FLT4: variants seen among roughly 807,000 people sequenced by gnomAD.
FLT4 encodes the protein vascular endothelial growth factor receptor 3.
In FLT4, 30 loss-of-function variants were observed where a neutral mutation model predicts 163.2. That is an observed-to-expected ratio of 0.18 (90% CI 0.14 to 0.25). The LOEUF (loss-of-function observed/expected upper bound fraction) is 0.25, where lower values mean the gene tolerates loss of function less well. Ranked by LOEUF, FLT4 falls within the 10% of genes least tolerant of loss-of-function variation. The pLI is 1.00. For missense variants in FLT4, 1,510 were observed against 1,863.8 expected (o/e 0.81, Z 3.50); for synonymous variants, 884 against 789.5 (o/e 1.12, Z -2.01).
rs544746348 is a variant in FLT4, at chr5:180,623,572, C to T, written c.1548+363G>A. Among the ~76,000 whole-genome samples, 1 of 152,286 alleles carries T rather than the reference C, an allele frequency of 6.6e-6. No homozygotes were observed. Among genetic ancestry groups the T allele is most frequent in the South Asian group, 2.1e-4 (1 of 4,814 alleles). ...TCAGTACCCCCTTCTCGGCGTTGCCCCCAGGCTGCGCCAGCGGCTCAGCAG... is the reference window on the plus strand; with the variant it reads ...TCAGTACCCCCTTCTCGGCGTTGCCTCCAGGCTGCGCCAGCGGCTCAGCAG... On this transcript the variant is annotated intron_variant, in intron 11 of 29. Coordinates refer to ENST00000261937, the MANE Select transcript of FLT4 (RefSeq NM_182925.5). This position sits in a 1 kb window ranked among gnomAD's most constrained non-coding sequence, Gnocchi z 5.8.
In FLT4 at chr5:180,615,973, C is replaced by G. The variant is rs1409299518; in HGVS notation, c.3219+394G>C. ...GAGCACTGGGCCCCGCCGGTCACCT[C>G]CCTTCTCCACTTCCTTTCGGAGCAC... On this transcript the variant is annotated intron_variant, in intron 23 of 29. Transcript: ENST00000261937. 1.1e-3 allele frequency among the ~76,000 whole-genome samples: 3 copies of G among 2,772 alleles called. 1 individual carries two copies. Among genetic ancestry groups the G allele is most frequent in the Admixed American group, 2.5e-3 (1 of 402 alleles). The allele number at this position is 2,772 out of a possible 152,430, so 1.8% of individuals were successfully genotyped here.
At position 180,620,657 on chromosome 5, in the gene FLT4, A is replaced by G; in HGVS notation, c.2358T>C (p.Ala786=). ...IVILVGTGVI[A]VFFWVLLLLI... ...GGAGGAGGAGGACCCAGAAGAAGACAGCGATGACGCCGGTACCGACAAGGA... is the reference window on the plus strand; with the variant it reads ...GGAGGAGGAGGACCCAGAAGAAGACGGCGATGACGCCGGTACCGACAAGGA... Residue 786 remains alanine (A), a synonymous_variant, in exon 16 of 30, where the codon GCT becomes GCC. Transcript: ENST00000261937. The surrounding 1 kb of genome is among the most constrained non-coding windows in gnomAD (Gnocchi z 4.4). The G allele has an allele frequency of 6.2e-7, 1 of 1,613,514 alleles. No homozygotes were observed. The highest frequency in any genetic ancestry group is 1.6e-4 in the Middle Eastern group (1 of 6,062).
chr5:180,608,976 G>T lies in FLT4; in HGVS notation c.3885C>A (p.Ser1295Arg). 1.2e-6 allele frequency: 2 copies of T among 1,613,796 alleles called. No homozygotes were observed. The highest frequency in any genetic ancestry group is 1.7e-6 in the Non-Finnish European group (2 of 1,179,688). ...GCTCACGAAGCCCTTACCTGAAGCC[G>T]CTTTCTTGTCTATGCCTGCTCTCTA... is the stretch of plus-strand genomic sequence containing the variant. The part of the protein sequence containing the change: ...EQIESRHRQE[S>R]GFSCKGPGQN... The change falls in exon 29 of 30, where the codon AGC becomes AGA. Residue 1295 changes from serine (S) to arginine (R), a missense_variant. By Grantham distance (110) the Ser-to-Arg change is moderately radical. Transcript: ENST00000261937.
intron 29 of FLT4, among the ~76,000 whole-genome samples, chr5:180,607,102 T>C (rs28516411): frequency 0.3 from 45,441 of 151,822 alleles, 6,989 homozygotes; most frequent in Middle Eastern, 0.37. Flanking sequence ...AAAATAAAAA[T>C]AAAATGAATC....
intron 27 of FLT4, among the ~76,000 whole-genome samples, chr5:180,610,369 G>A (rs944051686): frequency 4.6e-5 from 7 of 152,272 alleles, no homozygotes; most frequent in African/African-American, 1.2e-4. Context: ...GCAAGCCGCC[G>A]ACTGCCCTGC....
rs2127781321 is a variant in FLT4 at position 180,602,870 on chromosome 5, A to G, written c.*322T>C. ...ACCAGGCCACCACCCAGTGTGATGA[A>G]AGGAGGTCGCCAAAGAGACATTCCC... On this transcript the variant is annotated 3_prime_UTR_variant, in exon 30 of 30. Transcript: ENST00000261937. The G allele has an allele frequency of 1.7e-6, 1 of 583,926 alleles. No homozygotes were observed. The highest frequency in any genetic ancestry group is 2.2e-5 in the South Asian group (1 of 45,212). 36.2% of individuals were successfully genotyped at this position (583,926 alleles called of 1,614,324 possible).
intron 1 of FLT4, among the ~76,000 whole-genome samples, chr5:180,639,609 A>C (rs1764950545): frequency 6.6e-6 from 1 of 152,130 alleles, no homozygotes; most frequent in African/African-American, 2.4e-5. Context: ...AGATGGATGG[A>C]TGGCTCAACA....
chr5:180,624,005 G>T lies in FLT4; in HGVS notation c.1478C>A (p.Thr493Asn). Reference protein sequence around the residue: ...MPQCRDWRAVTTQDAVNPIES... With the variant: ...MPQCRDWRAVNTQDAVNPIES... The stretch of plus-strand genomic sequence containing the variant: ...GATGGGGTTCACGGCATCCTGCGTG[G>T]TCACCGCCCTCCAGTCACGGCACTG... The change falls in exon 11 of 30, where the codon ACC (threonine) becomes AAC (asparagine). Residue 493 changes from threonine (T) to asparagine (N), a missense_variant. By Grantham distance (65) the Thr-to-Asn change is moderately conservative. This residue lies in a region of FLT4 where 878 missense variants were observed against 1,016.7 expected (regional missense o/e 0.86). Coordinates refer to ENST00000261937, the MANE Select transcript of FLT4 (RefSeq NM_182925.5). 1 of 1,613,394 alleles carries T rather than the reference G, an allele frequency of 6.2e-7. No homozygotes were observed. The highest frequency in any genetic ancestry group is 8.5e-7 in the Non-Finnish European group (1 of 1,179,960).
chr5:180,649,999 A>G (rs1382302), upstream of FLT4, among the ~76,000 whole-genome samples: 64,811 of 151,568 alleles, frequency 0.43, 15,064 homozygotes, highest in East Asian at 0.58. Context: ...ACATAGGGAG[A>G]CCCAGTCTCA....
At chr5:180,648,055 C>T (rs906362974) in intron 1 of FLT4, among the ~76,000 whole-genome samples, 3 of 152,212 alleles carry the variant, frequency 2.0e-5, no homozygotes, top group East Asian at 3.9e-4. Context: ...TCAGACACTG[C>T]GCCCAGGTGC....
intron 12 of FLT4, among the ~76,000 whole-genome samples, 179 bp downstream of exon 12, chr5:180,622,552 C>T (rs1415490868): frequency 1.3e-5 from 2 of 152,160 alleles, no homozygotes; most frequent in African/African-American, 4.8e-5. Context: ...CATTCCATCC[C>T]AGTGCGCCAG....
At position 180,608,793 on chromosome 5, in the gene FLT4, G is replaced by A. The variant is rs192770511; in HGVS notation, c.3893+175C>T. 2.6e-5 allele frequency among the ~76,000 whole-genome samples: 4 copies of A among 152,270 alleles called. No individual in the cohort carries two copies. In the East Asian group the frequency reaches 5.8e-4, roughly 22 times the overall value. ...CAGCATGTGACAGGGAGGGGCTCCC[G>A]CGGTGCTGTAGGTCAGGAGGGGTCT... On this transcript the variant is annotated intron_variant, in intron 29 of 29. Transcript: ENST00000261937.
Position 180,649,536 on chromosome 5 carries a change from C to G in FLT4, c.10G>C (p.Gly4Arg). Residue 4 changes from glycine to arginine, a missense_variant, in exon 1 of 30, where the codon GGC (glycine) becomes CGC (arginine). By Grantham distance (125) the Gly-to-Arg change is moderately radical. Around this residue, in one of 5 missense-constraint regions of FLT4, gnomAD observed 157 missense variants for 178.7 expected, o/e 0.88. Coordinates refer to ENST00000261937, the MANE Select transcript of FLT4 (RefSeq NM_182925.5). ...CACAGTCGCAGGCACAGCGCGGCGC[C>G]CCGCTGCATCTCCGGCCGCTGCGCG... MQR[G>R]AALCLRLWLC... 1 of 1,438,978 alleles carries G rather than the reference C, an allele frequency of 6.9e-7. No individual in the cohort carries two copies. Among genetic ancestry groups the G allele is most frequent in the Non-Finnish European group, 9.1e-7 (1 of 1,096,052 alleles). 89.1% of individuals were successfully genotyped at this position (1,438,978 alleles called of 1,614,324 possible).
intron 12 of FLT4, 46 bp from the exon 13 acceptor site, chr5:180,621,950 C>T (rs765687080): frequency 6.2e-7 from 1 of 1,608,540 alleles, no homozygotes; most frequent in African/African-American, 1.3e-5. Flanking sequence ...TGGGAGTTTG[C>T]TCCCCCATCC....
chr5:180,640,592 A>C (rs973176588), intron 1 of FLT4, among the ~76,000 whole-genome samples: 6 of 152,226 alleles, frequency 3.9e-5, no homozygotes, highest in Non-Finnish European at 7.4e-5. Flanking sequence ...TAGTTGGCTG[A>C]GGGCAAAGCC....
chr5:180,624,620 C>T (rs1763458504), intron 10 of FLT4, among the ~76,000 whole-genome samples: 1 of 152,220 alleles, frequency 6.6e-6, no homozygotes, highest in Non-Finnish European at 1.5e-5. Flanking sequence ...TGCCCACTGT[C>T]CCTCAGGCAC....
chr5:180,608,303 G>T, intron 29 of FLT4: 1 of 700,784 alleles, frequency 1.4e-6, no homozygotes, highest in Non-Finnish European at 2.6e-6. Flanking sequence ...GAAGGGCCCC[G>T]TCCCATGATC....
chr5:180,628,287 T>C (rs1763796320), intron 8 of FLT4, among the ~76,000 whole-genome samples: 1 of 152,192 alleles, frequency 6.6e-6, no homozygotes, highest in Admixed American at 6.5e-5. Flanking sequence ...CCCCAGAGCC[T>C]GCAGGGAGTA....
chr5:180,626,361 G>A, intron 8 of FLT4, 96 bp from the exon 9 acceptor site: 1 of 1,400,168 alleles, frequency 7.1e-7, no homozygotes, highest in Non-Finnish European at 1.0e-6. Context: ...GGAGGAGGGA[G>A]GGGCTGGCAG....
Sources: allele counts gnomAD v4.1 joint callset (sites outside exome capture counted in the v4.1 genomes callset), GRCh38; gene constraint gnomAD v4.1.1; regional missense constraint gnomAD v4.1.1; non-coding constraint Gnocchi (gnomAD v3.1); transcripts MANE v1.5; gene names NCBI Gene and HGNC (gene_info 2026-07-23, HGNC 2026-07-21).